CLUH: variants seen among roughly 807,000 people sequenced by gnomAD.
CLUH encodes clustered mitochondria protein homolog.
Under a neutral mutation model 139.3 loss-of-function variants are expected in CLUH, and 77 were observed. That is an observed-to-expected ratio of 0.55 (90% CI 0.46 to 0.67). CLUH has a LOEUF of 0.67. CLUH is among the 30% of genes least tolerant of loss of function. The pLI is 0.00. For missense variants in CLUH, 1,876 were observed against 1,875.8 expected (o/e 1.00, Z 0.00); for synonymous variants, 999 against 801.6 (o/e 1.25, Z -4.16).
chr17:2,707,333 G>A lies in CLUH; in HGVS notation c.101-2769C>T. 1.0e-6 allele frequency: 1 copy of A among 985,406 alleles called. No homozygotes were observed. The highest frequency in any genetic ancestry group is 1.2e-6 in the Non-Finnish European group (1 of 829,914). The allele number at this position is 985,406 out of a possible 1,614,324, so 61.0% of individuals were successfully genotyped here. A position where few individuals can be genotyped will look rare whatever the true frequency, so the allele number is the denominator to read the frequency against. On this transcript the variant is annotated intron_variant, in intron 1 of 25. Transcript: ENST00000651024. This position sits in a 1 kb window ranked among gnomAD's most constrained non-coding sequence, Gnocchi z 7.4. ...TAATGCAGCCAGTCGGCCCGGGGCT[G>A]GAGCTCCGGCTGGCTTCGGGTTTCA...
rs374141135 is a variant in CLUH at position 2,700,556 on chromosome 17, T to C, written c.1174-82A>G. 6.4e-6 allele frequency: 10 copies of C among 1,552,436 alleles called. No homozygotes were observed. In the African/African-American group the frequency reaches 1.4e-4, roughly 21 times the overall value. On this transcript the variant is annotated intron_variant, in intron 8 of 25. Transcript: ENST00000651024. ...CCGGAAGTCGCTCCTTCTACCTTCC[T>C]GAGAAGAGCCCCAGACTCCCAAATG... is the stretch of plus-strand genomic sequence containing the variant.
rs539762049 is a variant in CLUH at position 2,698,650 on chromosome 17, T to C, written c.1267-60A>G. 15 of 1,454,902 alleles carry C rather than the reference T, an allele frequency of 1.0e-5. No homozygotes were observed. The East Asian group carries it at 2.5e-4, about 24-fold the overall frequency. 90.1% of individuals were successfully genotyped at this position (1,454,902 alleles called of 1,614,324 possible). ...GCGCCCACAAGAGCCTGCATCCACC[T>C]GGCCAAGCGCACGCACCTAGACCGC... is the stretch of plus-strand genomic sequence containing the variant. On this transcript the variant is annotated intron_variant, in intron 9 of 25. Coordinates refer to ENST00000651024, the MANE Select transcript of CLUH (RefSeq NM_001366661.1).
chr17:2,692,072 C>G lies in CLUH; in HGVS notation c.3586G>C (p.Glu1196Gln), dbSNP rs1467952483. 4.4e-6 allele frequency: 7 copies of G among 1,604,468 alleles called. No individual in the cohort carries two copies. In the East Asian group the frequency reaches 6.7e-5, roughly 15 times the overall value. ...LSHHLVARVY[E>Q]SKAEFRSALQ... ...GCCGACCGGAACTCAGCTTTGCTCT[C>G]GTAGACTCGGGCGACAAGGTGGTGG... The change falls in exon 23 of 26, where the codon GAG (glutamate) becomes CAG (glutamine). Residue 1196 changes from glutamate to glutamine, a missense_variant. Physicochemically the swap from Glu to Gln is conservative, Grantham distance 29 (BLOSUM62 2). This residue lies in a region of CLUH where 1,454 missense variants were observed against 1,384.4 expected (regional missense o/e 1.05). Coordinates refer to ENST00000651024, the MANE Select transcript of CLUH (RefSeq NM_001366661.1).
At chr17:2,692,136 A>T (rs2069713280) in intron 22 of CLUH, 39 bp from the exon 23 acceptor site, 2 of 1,554,786 alleles carry the variant, frequency 1.3e-6, no homozygotes, top group East Asian at 2.3e-5. Flanking sequence ...GAAGGGCATA[A>T]GTGGGCTGGG....
rs572158133 is a variant in CLUH at position 2,694,939 on chromosome 17, C to G, written c.2770G>C (p.Ala924Pro). Residue 924 changes from alanine (A) to proline (P), a missense_variant, in exon 16 of 26, where the codon GCC becomes CCC. This residue lies in a region of CLUH where 1,454 missense variants were observed against 1,384.4 expected (regional missense o/e 1.05). Coordinates refer to ENST00000651024, the MANE Select transcript of CLUH (RefSeq NM_001366661.1). The part of the protein sequence containing the change: ...NRPPGAADNT[A>P]WAVMTPQELW... ...TCCTGGGGGGTCATGACAGCCCAGG[C>G]TGTGTTATCTGCAGCCCCCGGGGGC... is the stretch of plus-strand genomic sequence containing the variant. 2.5e-5 allele frequency: 41 copies of G among 1,610,340 alleles called. No individual in the cohort carries two copies. The highest frequency in any genetic ancestry group is 3.4e-5 in the Non-Finnish European group (40 of 1,178,418).
chr17:2,703,845 G>C lies in CLUH; in HGVS notation c.304-356C>G, dbSNP rs548307908. Among the ~76,000 whole-genome samples, 4 of 152,248 alleles carry C rather than the reference G, an allele frequency of 2.6e-5. No homozygotes were observed. The highest frequency in any genetic ancestry group is 4.1e-4 in the South Asian group (2 of 4,830). On this transcript the variant is annotated intron_variant, in intron 2 of 25. Coordinates refer to ENST00000651024, the MANE Select transcript of CLUH (RefSeq NM_001366661.1). This position sits in a 1 kb window ranked among gnomAD's most constrained non-coding sequence, Gnocchi z 4.2. ...CGCCCCCGGCCTTGCCCAGTGCTAA[G>C]GTGCCTGGGGCAAATGGCTTTCCCC...
At position 2,701,127 on chromosome 17, in the gene CLUH, A is replaced by T. The variant is rs770305971; in HGVS notation, c.1025+13T>A. 6.2e-7 allele frequency: 1 copy of T among 1,613,706 alleles called. No individual in the cohort carries two copies. Among genetic ancestry groups the T allele is most frequent in the Admixed American group, 1.7e-5 (1 of 60,014 alleles). On this transcript the variant is annotated intron_variant, in intron 7 of 25. Coordinates refer to ENST00000651024, the MANE Select transcript of CLUH (RefSeq NM_001366661.1). ...GTGCCATGAGACAAGGCGGGAGGGG[A>T]CAAAGGCACTACCTTTTCTTCTGCA...
Position 2,701,910 on chromosome 17 carries a change from G to A in CLUH, c.619+4C>T, listed in dbSNP as rs749015761. The stretch of plus-strand genomic sequence containing the variant: ...CCAATCCCCGGCCCCAGTGCCTCCC[G>A]CACCTCCCAGGTCGCCGTCGGTGAA... On this transcript the variant is annotated splice_donor_region_variant and intron_variant, in intron 4 of 25. Coordinates refer to ENST00000651024, the MANE Select transcript of CLUH (RefSeq NM_001366661.1). 10 of 1,613,320 alleles carry A rather than the reference G, an allele frequency of 6.2e-6. No homozygotes were observed. In the Admixed American group the frequency reaches 1.2e-4, roughly 19 times the overall value.
chr17:2,711,097 G>A (rs2070504249), intron 1 of CLUH: 1 of 152,264 alleles, frequency 6.6e-6, no homozygotes, highest in African/African-American at 2.4e-5. Context: ...CTCGAGCGGA[G>A]CTTCACTCCC....
At chr17:2,701,113 C>G (rs1166280774) in intron 7 of CLUH, 27 bp downstream of exon 7, 13 of 1,613,360 alleles carry the variant, frequency 8.1e-6, no homozygotes, top group Non-Finnish European at 1.0e-5. Context: ...TGCCATGAGA[C>G]AAGGCGGGAG....
At position 2,695,005 on chromosome 17, in the gene CLUH, C is replaced by T. The variant is rs775762493; in HGVS notation, c.2704G>A (p.Glu902Lys). The T allele has an allele frequency of 7.4e-6, 12 of 1,613,608 alleles. No individual in the cohort carries two copies. The highest frequency in any genetic ancestry group is 1.0e-5 in the Non-Finnish European group (12 of 1,179,798). ...TTATTCCGCTTCTTGGAGACCAGCT[C>T]GTCGGCGGGCAGGTGGGCCACGGGG... Reference protein sequence around the residue: ...PNPVAHLPADELVSKKRNKRR... With the variant: ...PNPVAHLPADKLVSKKRNKRR... Residue 902 changes from glutamate to lysine, a missense_variant, in exon 16 of 26, where the codon GAG becomes AAG. Coordinates refer to ENST00000651024, the MANE Select transcript of CLUH (RefSeq NM_001366661.1).
intron 9 of CLUH, 86 bp from the exon 10 acceptor site, chr17:2,698,676 G>A (rs1169979964): frequency 3.1e-5 from 38 of 1,242,354 alleles, no homozygotes; most frequent in Middle Eastern, 5.6e-4. Flanking sequence ...CCTAGACCGC[G>A]GAGGCAACCG....
intron 1 of CLUH, among the ~76,000 whole-genome samples, chr17:2,709,818 G>C (rs748241875): frequency 3.3e-5 from 5 of 152,104 alleles, no homozygotes; most frequent in Non-Finnish European, 7.4e-5. Flanking sequence ...CAATAGATCC[G>C]GGCTGGCTGT....
intron 1 of CLUH, among the ~76,000 whole-genome samples, chr17:2,710,417 C>G (rs1022641055): frequency 6.6e-6 from 1 of 152,236 alleles, no homozygotes; most frequent in Non-Finnish European, 1.5e-5. Context: ...GAGGGCTGAA[C>G]GCTGTCCCCA....
chr17:2,691,938 C>A (rs1192771337), intron 23 of CLUH, 43 bp from the exon 24 acceptor site: 1 of 1,066,444 alleles, frequency 9.4e-7, no homozygotes, highest in Non-Finnish European at 1.2e-6. Context: ...CGTGCCCCCG[C>A]GGCCCCGCCC....
intron 1 of CLUH, among the ~76,000 whole-genome samples, chr17:2,710,120 G>A (rs2070468888): frequency 1.3e-5 from 2 of 152,192 alleles, no homozygotes; most frequent in African/African-American, 4.8e-5. Flanking sequence ...TGGCTTGCTG[G>A]CCATGAGCTG....
At chr17:2,692,919 G>C in intron 19 of CLUH, 59 bp from the exon 20 acceptor site, 1 of 1,477,684 alleles carries the variant, frequency 6.8e-7, no homozygotes, top group African/African-American at 1.4e-5. Context: ...CCCAGAGCCC[G>C]CCTGGCCCCG....
rs1297369394 is a variant in CLUH, at chr17:2,704,189, G to A, written c.303+173C>T. ...AGCAATGGGGCAACGACCTGACCCT[G>A]GGCTCGATTCCCACGTCCACCACGC... is the stretch of plus-strand genomic sequence containing the variant. On this transcript the variant is annotated intron_variant, in intron 2 of 25. Transcript: ENST00000651024. The surrounding 1 kb of genome is among the most constrained non-coding windows in gnomAD (Gnocchi z 5.7). Among the ~76,000 whole-genome samples the A allele has an allele frequency of 4.6e-5, 7 of 152,286 alleles. No homozygotes were observed. Among genetic ancestry groups the A allele is most frequent in the Admixed American group, 2.6e-4 (4 of 15,308 alleles).
In CLUH at chr17:2,704,160, C is replaced by A. The variant is rs2070277744; in HGVS notation, c.303+202G>T. On this transcript the variant is annotated intron_variant, in intron 2 of 25. Transcript: ENST00000651024. This position sits in a 1 kb window ranked among gnomAD's most constrained non-coding sequence, Gnocchi z 5.7. ...CTGGCAGGCCCAGCTGGTTGCTGTCCTCTAGCAATGGGGCAACGACCTGAC... is the reference window on the plus strand; with the variant it reads ...CTGGCAGGCCCAGCTGGTTGCTGTCATCTAGCAATGGGGCAACGACCTGAC... 6.6e-6 allele frequency among the ~76,000 whole-genome samples: 1 copy of A among 152,200 alleles called. No homozygotes were observed. The highest frequency in any genetic ancestry group is 1.5e-5 in the Non-Finnish European group (1 of 68,026).
Sources: allele counts gnomAD v4.1 joint callset (sites outside exome capture counted in the v4.1 genomes callset), GRCh38; gene constraint gnomAD v4.1.1; regional missense constraint gnomAD v4.1.1; non-coding constraint Gnocchi (gnomAD v3.1); transcripts MANE v1.5; gene names NCBI Gene and HGNC (gene_info 2026-07-23, HGNC 2026-07-21).